The following DLG2 variants were observed in gnomAD, a reference collection of about 807,000 sequenced individuals.
The protein encoded by DLG2 is discs large MAGUK scaffold protein 2.
In DLG2, 45 loss-of-function variants were observed where a neutral mutation model predicts 132.5. The ratio of observed to expected loss-of-function variants is 0.34; its 90% CI spans 0.27 to 0.44. DLG2 has a LOEUF of 0.44. Ranked by LOEUF, DLG2 falls within the 20% of genes least tolerant of loss-of-function variation. The pLI is 1.00. For missense variants in DLG2, 1,045 were observed against 1,196.9 expected, an observed-to-expected ratio of 0.87 and a Z score of 1.87; for synonymous variants, 424 against 419.6, an observed-to-expected ratio of 1.01 and a Z score of -0.13.
At chr11:83,874,541 T>A (rs75948804) in intron 15 of DLG2, 53 bp from the exon 16 acceptor site, 132,540 of 1,282,322 alleles carry the variant, frequency 0.1, 7,890 homozygotes, top group South Asian at 0.21. Flanking sequence ...TTTATTTTTT[T>A]ATTTTTTTAT....
At position 83,681,580 on chromosome 11, in the gene DLG2, C is replaced by T. The variant is rs144401496; in HGVS notation, c.1826-48255G>A. Among the ~76,000 whole-genome samples, 20 of 152,258 alleles carry T rather than the reference C, an allele frequency of 1.3e-4. No individual in the cohort carries two copies. The East Asian group carries it at 3.9e-3, about 29-fold the overall frequency. On this transcript the variant is annotated intron_variant, in intron 18 of 27. Coordinates refer to ENST00000376104, the MANE Select transcript of DLG2 (RefSeq NM_001142699.3). Reference sequence around the variant, plus strand: ...CAACAGGCACGCCAAATGCAAATCTCATTGGATTCTGATCCCATCCCGGCA... The same window carrying T: ...CAACAGGCACGCCAAATGCAAATCTTATTGGATTCTGATCCCATCCCGGCA...
chr11:84,626,716 G>A (rs951190996), intron 6 of DLG2, among the ~76,000 whole-genome samples: 9 of 152,118 alleles, frequency 5.9e-5, no homozygotes, highest in African/African-American at 1.4e-4. Flanking sequence ...CTATGCAAGA[G>A]GAACATGTAC....
intron 18 of DLG2, among the ~76,000 whole-genome samples, chr11:83,682,726 G>A (rs1163206819): frequency 1.3e-5 from 2 of 152,126 alleles, no homozygotes; most frequent in Admixed American, 6.6e-5. Context: ...CACTCTCACT[G>A]AGTCTCTCAG....
intron 3 of DLG2, among the ~76,000 whole-genome samples, chr11:85,451,025 G>A (rs553034746): frequency 1.3e-4 from 20 of 152,152 alleles, no homozygotes; most frequent in Middle Eastern, 3.4e-3. Context: ...ACTCTTAAAT[G>A]TGTATCACCA....
intron 3 of DLG2, among the ~76,000 whole-genome samples, chr11:85,307,655 G>A (rs1384165296): frequency 6.6e-6 from 1 of 152,192 alleles, no homozygotes; most frequent in Non-Finnish European, 1.5e-5. Flanking sequence ...ATGGGAAAGA[G>A]ATGTTTCCTG....
chr11:85,294,419 G>A (rs910873973), intron 3 of DLG2, among the ~76,000 whole-genome samples: 2 of 152,040 alleles, frequency 1.3e-5, no homozygotes, highest in Non-Finnish European at 2.9e-5. Flanking sequence ...GCATGGAAGA[G>A]GTAGAAGATC....
chr11:83,835,185 T>C (rs1795475007), intron 16 of DLG2, among the ~76,000 whole-genome samples: 1 of 152,200 alleles, frequency 6.6e-6, no homozygotes. Context: ...AAACACCTAC[T>C]GTGCCAGGAA....
intron 7 of DLG2, among the ~76,000 whole-genome samples, chr11:84,319,818 C>G (rs567892054): frequency 1.3e-5 from 2 of 152,246 alleles, no homozygotes; most frequent in Admixed American, 1.3e-4. Context: ...AAGGCTAAAG[C>G]AAACTTTTAT....
chr11:85,577,435 G>A (rs1289592547), intron 3 of DLG2, among the ~76,000 whole-genome samples: 2 of 152,086 alleles, frequency 1.3e-5, no homozygotes, highest in Non-Finnish European at 2.9e-5. Context: ...CTGAGTGTGA[G>A]TAAACTGGAT....
At chr11:84,766,368 A>AATT (rs931185267) in intron 6 of DLG2, among the ~76,000 whole-genome samples, 2 of 152,120 alleles carry the variant, frequency 1.3e-5, no homozygotes, top group Admixed American at 6.6e-5. Flanking sequence ...ATCTATTTGA[A>AATT]ATTTTCATGA....
At chr11:83,690,665 C>G (rs555865741) in intron 18 of DLG2, among the ~76,000 whole-genome samples, 1 of 113,476 alleles carries the variant, frequency 8.8e-6, no homozygotes, top group African/African-American at 3.4e-5. Context: ...TCAAACATTT[C>G]GGTCCATGCT....
At chr11:85,238,266 C>T (rs1304912518) in intron 4 of DLG2, among the ~76,000 whole-genome samples, 1 of 141,216 alleles carries the variant, frequency 7.1e-6, no homozygotes, top group Non-Finnish European at 1.5e-5. Flanking sequence ...TATTTTGAGA[C>T]AGAGTCTTGC....
At chr11:83,604,737 CAT>C (rs1357812490) in intron 19 of DLG2, among the ~76,000 whole-genome samples, 27 of 152,244 alleles carry the variant, frequency 1.8e-4, no homozygotes, top group Admixed American at 1.8e-3. Context: ...GGTGGCTACA[CAT>C]GTGTGGGGGC....
At chr11:84,843,869 T>C (rs1239043591) in intron 6 of DLG2, among the ~76,000 whole-genome samples, 1 of 151,492 alleles carries the variant, frequency 6.6e-6, no homozygotes, top group African/African-American at 2.4e-5. Context: ...GCTGACTGTG[T>C]GTGTATATAC....
intron 7 of DLG2, among the ~76,000 whole-genome samples, chr11:84,491,906 C>G (rs1368641971): frequency 2.0e-5 from 3 of 152,126 alleles, no homozygotes; most frequent in Admixed American, 6.6e-5. Context: ...GATCCACATT[C>G]ACATTTCAAT....
intron 6 of DLG2, chr11:84,545,274 A>C (rs1237255969): frequency 6.0e-6 from 3 of 498,200 alleles, no homozygotes; most frequent in South Asian, 1.5e-5. Context: ...TCATGGGTCC[A>C]AAATTTGAAG....
chr11:84,401,002 T>C (rs775313951), intron 7 of DLG2, among the ~76,000 whole-genome samples: 1 of 152,118 alleles, frequency 6.6e-6, no homozygotes, highest in African/African-American at 2.4e-5. Context: ...TAACATTCAT[T>C]GAGCACATAA....
chr11:85,463,846 A>G (rs2092694025), intron 3 of DLG2, among the ~76,000 whole-genome samples: 1 of 152,094 alleles, frequency 6.6e-6, no homozygotes, highest in Non-Finnish European at 1.5e-5. Flanking sequence ...CAAGGACTGA[A>G]TGTGACAAAG....
At chr11:83,821,119 T>A (rs2050657079) in intron 17 of DLG2, among the ~76,000 whole-genome samples, 2 of 152,214 alleles carry the variant, frequency 1.3e-5, no homozygotes, top group Admixed American at 6.5e-5. Context: ...ACGCTTATGC[T>A]TACTGACCTC....
Sources: allele counts gnomAD v4.1 joint callset (sites outside exome capture counted in the v4.1 genomes callset), GRCh38; gene constraint gnomAD v4.1.1; transcripts MANE v1.5; gene names NCBI Gene and HGNC (gene_info 2026-07-23, HGNC 2026-07-21).